The following SLCO4A1 variants were observed in gnomAD, a reference collection of about 807,000 sequenced individuals.
The protein encoded by SLCO4A1 is solute carrier organic anion transporter family member 4A1, also known as colon organic anion transporter.
Under a neutral mutation model 64.6 loss-of-function variants are expected in SLCO4A1, and 51 were observed. The observed-to-expected ratio is 0.79, with a 90% CI of 0.63 to 1.00. SLCO4A1 has a LOEUF of 1.00. Among genes scored for constraint, SLCO4A1 ranks in the 50% least tolerant of loss-of-function variants. The probability of loss-of-function intolerance (pLI) is 0.00; values close to 1 mark genes in which losing one functional copy is unlikely to be tolerated. For missense variants in SLCO4A1, 919 were observed against 980.5 expected (o/e 0.94, Z 0.84); for synonymous variants, 471 against 444.9 (o/e 1.06, Z -0.74).
intron 11 of SLCO4A1, among the ~76,000 whole-genome samples, chr20:62,671,050 A>G (rs73918613): frequency 3.9e-5 from 6 of 152,152 alleles, no homozygotes; most frequent in African/African-American, 1.4e-4. Flanking sequence ...TTCCTGCCAC[A>G]TCGTCCTCTT....
chr20:62,664,789 G>T, intron 5 of SLCO4A1, 145 bp from the exon 6 acceptor site: 1 of 972,330 alleles, frequency 1.0e-6, no homozygotes, highest in South Asian at 2.0e-5. Flanking sequence ...CTCCCACCCT[G>T]GGTCTGGCCC....
At chr20:62,683,017 C>T (rs576550592) in intron 2 of SLCO4A1, among the ~76,000 whole-genome samples, 25 of 152,318 alleles carry the variant, frequency 1.6e-4, no homozygotes, top group Middle Eastern at 3.4e-3. Flanking sequence ...GCTGTGAGGG[C>T]GCCCTGGTGC....
chr20:62,652,587 C>T (rs1354436927), intron 1 of SLCO4A1, among the ~76,000 whole-genome samples: 1 of 152,188 alleles, frequency 6.6e-6, no homozygotes, highest in Non-Finnish European at 1.5e-5. Flanking sequence ...CGTGGGTGGC[C>T]GTGGGTGGCT....
downstream of SLCO4A1, among the ~76,000 whole-genome samples, chr20:62,689,922 C>T (rs757039147): frequency 2.0e-5 from 3 of 152,188 alleles, no homozygotes; most frequent in African/African-American, 4.8e-5. Context: ...GGAGCAGATG[C>T]GGGGGACCCG....
intron 6 of SLCO4A1, 73 bp from the exon 7 acceptor site, chr20:62,666,307 C>T: frequency 7.2e-7 from 1 of 1,386,858 alleles, no homozygotes; most frequent in Non-Finnish European, 1.0e-6. Flanking sequence ...TAAAGTGGAC[C>T]CGGCTGATCC....
chr20:62,663,678 C>G (rs946462661), intron 5 of SLCO4A1, among the ~76,000 whole-genome samples: 3 of 152,160 alleles, frequency 2.0e-5, no homozygotes, highest in Admixed American at 2.0e-4. Flanking sequence ...AGGCCGAGAG[C>G]CCCCCACTCA....
intron 6 of SLCO4A1, chr20:62,666,151 T>TCCCCTTCCCCTC (rs1569142398): frequency 1.7e-5 from 2 of 115,416 alleles, no homozygotes; most frequent in African/African-American, 7.0e-5. Flanking sequence ...CCCTTCCCCT[T>TCCCCTTCCCCTC]CCCCTCTGAG....
intron 1 of SLCO4A1, 80 bp from the exon 2 acceptor site, chr20:62,656,279 G>A: frequency 1.7e-6 from 1 of 594,082 alleles, no homozygotes; most frequent in Non-Finnish European, 2.9e-6. Flanking sequence ...CCCCGTGATG[G>A]GTGTGCTGGA....
At chr20:62,664,240 G>A (rs569593385) in intron 5 of SLCO4A1, among the ~76,000 whole-genome samples, 5 of 152,096 alleles carry the variant, frequency 3.3e-5, no homozygotes, top group South Asian at 2.1e-4. Context: ...CCAAGGACTC[G>A]CCCCAGTTGA....
At chr20:62,657,410 C>T (rs574926774) in intron 2 of SLCO4A1, among the ~76,000 whole-genome samples, 160 bp downstream of exon 2, 2 of 152,332 alleles carry the variant, frequency 1.3e-5, no homozygotes, top group Admixed American at 1.3e-4. Flanking sequence ...GAGGAGGGTC[C>T]GCCCTGAGGC....
chr20:62,662,851 G>A (rs533179825), intron 5 of SLCO4A1, among the ~76,000 whole-genome samples: 803 of 14,720 alleles, frequency 0.055, 14 homozygotes, highest in African/African-American at 0.084. Flanking sequence ...CCCACACGCC[G>A]GGACCCCCCC....
intron 1 of SLCO4A1, chr20:62,649,543 G>A (rs1294479821): frequency 1.3e-5 from 2 of 152,492 alleles, no homozygotes; most frequent in East Asian, 3.8e-4. Context: ...AGGCCAGGAA[G>A]CAGATGCCCT....
intron 1 of SLCO4A1, among the ~76,000 whole-genome samples, chr20:62,653,243 G>T (rs1020907072): frequency 1.3e-5 from 2 of 152,204 alleles, no homozygotes; most frequent in African/African-American, 4.8e-5. Flanking sequence ...GGCAGAGGAC[G>T]TGGCGGGAGG....
intron 7 of SLCO4A1, 102 bp from the exon 8 acceptor site, chr20:62,667,643 T>C: frequency 7.2e-7 from 1 of 1,393,778 alleles, no homozygotes; most frequent in Non-Finnish European, 9.8e-7. Flanking sequence ...AGACCCGAAA[T>C]GCAGGCTGCA....
At chr20:62,643,106 C>G (rs962083252) in intron 1 of SLCO4A1, 3 of 448,870 alleles carry the variant, frequency 6.7e-6, no homozygotes, top group African/African-American at 2.1e-5. Context: ...CAGAGGCGCT[C>G]GAGACATCTC....
At chr20:62,654,229 TCTC>T (rs994000657) in intron 1 of SLCO4A1, among the ~76,000 whole-genome samples, 17 of 151,996 alleles carry the variant, frequency 1.1e-4, no homozygotes, top group Admixed American at 5.2e-4. Context: ...TGTGTCATCT[TCTC>T]CTCTAAAAAT....
At chr20:62,650,875 G>A (rs2250853) in intron 1 of SLCO4A1, 79,927 of 152,176 alleles carry the variant, frequency 0.53, 23,153 homozygotes, top group East Asian at 0.74. Flanking sequence ...CCTCAGGTCC[G>A]GGCCAAGCCT....
chr20:62,667,648 G>A (rs1387099067), intron 7 of SLCO4A1, 97 bp from the exon 8 acceptor site: 2 of 1,417,630 alleles, frequency 1.4e-6, no homozygotes, highest in Non-Finnish European at 1.9e-6. Context: ...CGAAATGCAG[G>A]CTGCATGGGG....
chr20:62,666,714 C>G, intron 7 of SLCO4A1, 139 bp downstream of exon 7: 3 of 754,452 alleles, frequency 4.0e-6, no homozygotes, highest in Non-Finnish European at 6.5e-6. Flanking sequence ...AAGGGCAACA[C>G]CCGCTCAGCA....
Sources: gnomAD v4.1 joint callset for allele counts (sites outside exome capture counted in the v4.1 genomes callset) on GRCh38, gnomAD v4.1.1 for gene constraint, MANE v1.5 for transcripts, NCBI Gene and HGNC (gene_info 2026-07-23, HGNC 2026-07-21) for gene names.